Variants in PA2G4 observed in about 807,000 individuals in gnomAD.
PA2G4 encodes the protein proliferation-associated 2G4, also known as proliferation-associated protein 2G4.
In PA2G4, 8 loss-of-function variants were observed where a neutral mutation model predicts 53.3. That is an observed-to-expected ratio of 0.15 (90% confidence interval 0.09 to 0.27). The LOEUF (loss-of-function observed/expected upper bound fraction) is 0.27, where lower values mean the gene tolerates loss of function less well. Among genes scored for constraint, PA2G4 ranks in the 10% least tolerant of loss-of-function variants. The pLI is 1.00. For synonymous variants in PA2G4, 143 were observed against 169.8 expected, an observed-to-expected ratio of 0.84 and a Z score of 1.23; for missense variants, 208 against 486.8, an observed-to-expected ratio of 0.43 and a Z score of 5.39.
At chr12:56,106,798 C>A in intron 2 of PA2G4, 82 bp downstream of exon 2, 1 of 1,501,472 alleles carries the variant, frequency 6.7e-7, no homozygotes, top group Non-Finnish European at 9.0e-7. Flanking sequence ...ACTGTAATGA[C>A]GCAGTCCCCA....
At chr12:56,110,783 T>C (rs1869404085) in intron 9 of PA2G4, 91 bp downstream of exon 9, 1 of 1,508,030 alleles carries the variant, frequency 6.6e-7, no homozygotes, top group Non-Finnish European at 9.2e-7. Context: ...CCTAGACTTG[T>C]AGCGTGCATG....
At chr12:56,105,533 C>T (rs1261589272) in intron 1 of PA2G4, among the ~76,000 whole-genome samples, 1 of 152,224 alleles carries the variant, frequency 6.6e-6, no homozygotes, top group African/African-American at 2.4e-5. Context: ...CCAATCTGTG[C>T]AGATAGTCTT....
intron 7 of PA2G4, 28 bp from the exon 8 acceptor site, chr12:56,110,371 A>G: frequency 1.4e-6 from 2 of 1,462,712 alleles, no homozygotes; most frequent in Non-Finnish European, 1.9e-6. Flanking sequence ...AAAAAAAAAA[A>G]AAATTCCTTT....
chr12:56,105,163 G>A (rs950114575), intron 1 of PA2G4: 102 of 545,726 alleles, frequency 1.9e-4, no homozygotes, highest in African/African-American at 1.8e-3. Context: ...GATTCTGGCA[G>A]CGGCGAGGCC....
chr12:56,112,734 G>GAA, intron 12 of PA2G4, 89 bp from the exon 13 acceptor site: 5 of 903,634 alleles, frequency 5.5e-6, no homozygotes, highest in Admixed American at 2.4e-5. Context: ...GACTGTCTCA[G>GAA]AAAAAAAAAT....
chr12:56,109,769 C>T, intron 6 of PA2G4, 88 bp from the exon 7 acceptor site: 1 of 890,512 alleles, frequency 1.1e-6, no homozygotes, highest in South Asian at 1.3e-5. Context: ...GTCTCACTGC[C>T]TACCACTTCA....
In PA2G4 at chr12:56,110,046, G is replaced by C. The variant is rs745891518; in HGVS notation, c.629+111G>C. On this transcript the variant is annotated intron_variant, in intron 7 of 12. Coordinates refer to ENST00000303305, the MANE Select transcript of PA2G4 (RefSeq NM_006191.3). ...CCCTCTACTCCATGTTTTCAGGAGT[G>C]ACCTGTTGCTCTTAATATTCCCTTT... is the stretch of plus-strand genomic sequence containing the variant. 102 of 796,860 alleles carry C rather than the reference G, an allele frequency of 1.3e-4. 1 individual carries two copies. Among genetic ancestry groups the C allele is most frequent in the Non-Finnish European group, 2.1e-4 (94 of 457,906 alleles). The allele number at this position is 796,860 out of a possible 1,614,324, so 49.4% of individuals were successfully genotyped here.
intron 7 of PA2G4, 92 bp from the exon 8 acceptor site, chr12:56,110,307 C>G: frequency 1.3e-6 from 1 of 780,422 alleles, no homozygotes. Context: ...TTGCAGTGAG[C>G]TGAGATTGTG....
Position 56,113,809 on chromosome 12 carries a change from G to C in PA2G4, c.*921G>C. On this transcript the variant is annotated 3_prime_UTR_variant, in exon 13 of 13. Transcript: ENST00000303305. ...AAGGTGACAAATTTCAGTACCTCTG[G>C]CATGCTGTCCCAGGAAACTAGGGCT... is the stretch of plus-strand genomic sequence containing the variant. 2.9e-6 allele frequency: 2 copies of C among 701,410 alleles called. No individual in the cohort carries two copies. Among genetic ancestry groups the C allele is most frequent in the Non-Finnish European group, 5.2e-6 (2 of 384,546 alleles). The allele number at this position is 701,410 out of a possible 1,614,324, so 43.4% of individuals were successfully genotyped here.
In PA2G4 at chr12:56,107,543, A is replaced by G. The variant is rs941114737; in HGVS notation, c.416A>G (p.Lys139Arg). 6.2e-7 allele frequency: 1 copy of G among 1,613,396 alleles called. No individual in the cohort carries two copies. Among genetic ancestry groups the G allele is most frequent in the African/African-American group, 1.3e-5 (1 of 74,908 alleles). Residue 139 changes from lysine (K) to arginine (R), a missense_variant, in exon 5 of 13, where the codon AAA becomes AGA. This residue lies in a region of PA2G4 where 143 missense variants were observed against 386.8 expected (regional missense o/e 0.37). Transcript: ENST00000303305. ...CAGGGGACCCAAGTAACAGGGAGGAAAGCAGATGTTATTAAGGCAGCTCAC... is the reference window on the plus strand; with the variant it reads ...CAGGGGACCCAAGTAACAGGGAGGAGAGCAGATGTTATTAAGGCAGCTCAC... ...VAQGTQVTGR[K>R]ADVIKAAHLC... is the part of the protein sequence containing the mutation.
chr12:56,106,560 G>A (rs747792645), intron 1 of PA2G4, 28 bp from the exon 2 acceptor site: 61 of 1,522,928 alleles, frequency 4.0e-5, no homozygotes, highest in Middle Eastern at 2.4e-4. Flanking sequence ...ATACATACAA[G>A]GCTGACATGA....
rs150907604 is a variant in PA2G4 at position 56,110,511 on chromosome 12, G to A, written c.708+34G>A. The A allele has an allele frequency of 1.9e-5, 30 of 1,614,016 alleles. 1 individual carries two copies. In the African/African-American group the frequency reaches 2.3e-4, roughly 12 times the overall value. ...AGTACCAGAGTTGGCAAAGAGGGGT[G>A]ACTGAGAGTGTTCACCAGACCAAAT... On this transcript the variant is annotated intron_variant, in intron 8 of 12. Coordinates refer to ENST00000303305, the MANE Select transcript of PA2G4 (RefSeq NM_006191.3).
rs1004570262 is a variant in PA2G4 at position 56,113,028 on chromosome 12, A to T, written c.*140A>T. On this transcript the variant is annotated 3_prime_UTR_variant, in exon 13 of 13. Coordinates refer to ENST00000303305, the MANE Select transcript of PA2G4 (RefSeq NM_006191.3). ...CTCCCTGCCCCCACCCCAGTTCCCC[A>T]ACCCACTCCCTTCCAACAACAACCA... 7 of 524,384 alleles carry T rather than the reference A, an allele frequency of 1.3e-5. No individual in the cohort carries two copies. Among genetic ancestry groups the T allele is most frequent in the Non-Finnish European group, 2.3e-5 (7 of 306,200 alleles). 32.5% of individuals were successfully genotyped at this position (524,384 alleles called of 1,614,324 possible).
At chr12:56,105,896 T>C (rs971490500) in intron 1 of PA2G4, among the ~76,000 whole-genome samples, 67 of 152,340 alleles carry the variant, frequency 4.4e-4, no homozygotes, top group African/African-American at 1.6e-3. Context: ...AATCTGAGTT[T>C]TACCAGCTTT....
At chr12:56,111,578 C>A in intron 12 of PA2G4, 49 bp downstream of exon 12, 2 of 1,482,938 alleles carry the variant, frequency 1.3e-6, no homozygotes, top group South Asian at 2.3e-5. Context: ...CCTGATCCCT[C>A]TTTCTCCCAC....
intron 1 of PA2G4, among the ~76,000 whole-genome samples, chr12:56,105,748 TTC>T (rs1434835899): frequency 1.3e-5 from 2 of 152,258 alleles, no homozygotes; most frequent in Admixed American, 6.5e-5. Context: ...ACTTTCTCTT[TTC>T]TCTCTTTCCA....
chr12:56,107,507 G>C lies in PA2G4; in HGVS notation c.394-14G>C. 6.3e-7 allele frequency: 1 copy of C among 1,588,486 alleles called. No individual in the cohort carries two copies. The highest frequency in any genetic ancestry group is 8.6e-7 in the Non-Finnish European group (1 of 1,156,612). On this transcript the variant is annotated splice_polypyrimidine_tract_variant and intron_variant, in intron 4 of 12. Coordinates refer to ENST00000303305, the MANE Select transcript of PA2G4 (RefSeq NM_006191.3). ...CTTTCCAGGAAGATACTGATTGCAT[G>C]TCCTTATCTACAGGGGACCCAAGTA...
At position 56,112,843 on chromosome 12, in the gene PA2G4, T is replaced by C; in HGVS notation, c.1140T>C (p.Asn380=). The part of the protein sequence containing the change: ...KKKKASKTAE[N]ATSGETLEEN... ...TATAGGCCTCCAAGACTGCAGAGAA[T>C]GCCACCAGTGGGGAAACATTAGAAG... Residue 380 remains asparagine, a synonymous_variant, in exon 13 of 13, where the codon AAT becomes AAC. Transcript: ENST00000303305. The C allele has an allele frequency of 6.3e-7, 1 of 1,582,960 alleles. No homozygotes were observed. The highest frequency in any genetic ancestry group is 8.6e-7 in the Non-Finnish European group (1 of 1,168,664).
Position 56,112,883 on chromosome 12 carries a change from G to A in PA2G4, c.1180G>A (p.Asp394Asn). ...GETLEENEAG[D>N] ...AACATTAGAAGAAAATGAAGCTGGG[G>A]ACTGAGGTGGGTCCCATCTCCCCAG... Residue 394 changes from aspartate (D) to asparagine (N), a missense_variant, in exon 13 of 13, where the codon GAC becomes AAC. Physicochemically the swap from Asp to Asn is conservative, Grantham distance 23 (BLOSUM62 1). Around this residue, in one of 3 missense-constraint regions of PA2G4, gnomAD observed 50 missense variants for 82.3 expected, o/e 0.61. Coordinates refer to ENST00000303305, the MANE Select transcript of PA2G4 (RefSeq NM_006191.3). 1 of 1,568,006 alleles carries A rather than the reference G, an allele frequency of 6.4e-7. No individual in the cohort carries two copies. The highest frequency in any genetic ancestry group is 1.2e-5 in the South Asian group (1 of 84,364).
Sources: allele counts gnomAD v4.1 joint callset (sites outside exome capture counted in the v4.1 genomes callset), GRCh38; gene constraint gnomAD v4.1.1; regional missense constraint gnomAD v4.1.1; transcripts MANE v1.5; gene names NCBI Gene and HGNC (gene_info 2026-07-23, HGNC 2026-07-21).